The following PDLIM5 variants were observed in gnomAD, a reference collection of about 807,000 sequenced individuals.
PDLIM5 encodes PDZ and LIM domain 5, also known as PDZ and LIM domain protein 5.
Under a neutral mutation model 64.2 loss-of-function variants are expected in PDLIM5, and 34 were observed. The ratio of observed to expected loss-of-function variants is 0.53; its 90% CI spans 0.40 to 0.71. The LOEUF (loss-of-function observed/expected upper bound fraction) is 0.71. Among genes scored for constraint, PDLIM5 ranks in the 30% least tolerant of loss-of-function variants. The pLI, the probability that PDLIM5 is intolerant of heterozygous loss-of-function variation, is 0.00. For synonymous variants in PDLIM5, 253 were observed against 269.1 expected, an observed-to-expected ratio of 0.94 and a Z score of 0.59; for missense variants, 683 against 733.6, an observed-to-expected ratio of 0.93 and a Z score of 0.80.
At chr4:94,488,297 G>A (rs533462710) in intron 2 of PDLIM5, among the ~76,000 whole-genome samples, 5 of 152,144 alleles carry the variant, frequency 3.3e-5, no homozygotes. Context: ...AAGAGCTGCT[G>A]TTCCTTTAAT....
chr4:94,577,717 A>G (rs1156906095), intron 5 of PDLIM5, among the ~76,000 whole-genome samples: 1 of 151,866 alleles, frequency 6.6e-6, no homozygotes, highest in Non-Finnish European at 1.5e-5. Context: ...GAAGTTTACC[A>G]TGTTTATTAA....
intron 2 of PDLIM5, among the ~76,000 whole-genome samples, chr4:94,469,508 A>G (rs1019861831): frequency 6.6e-6 from 1 of 152,324 alleles, no homozygotes; most frequent in African/African-American, 2.4e-5. Flanking sequence ...AAAGAAGGCT[A>G]GTGTGGCAGG....
At chr4:94,464,559 T>C (rs1724179779) in intron 2 of PDLIM5, among the ~76,000 whole-genome samples, 1 of 152,188 alleles carries the variant, frequency 6.6e-6, no homozygotes, top group African/African-American at 2.4e-5. Flanking sequence ...AGGACAGATG[T>C]CCTTTAGAAA....
chr4:94,518,555 TTTTA>T (rs1729561385), intron 2 of PDLIM5, among the ~76,000 whole-genome samples: 2 of 152,228 alleles, frequency 1.3e-5, no homozygotes, highest in Non-Finnish European at 2.9e-5. Context: ...TAGTTATAAA[TTTTA>T]TTTGAGAACA....
intron 2 of PDLIM5, among the ~76,000 whole-genome samples, chr4:94,505,695 A>G (rs977974825): frequency 5.3e-5 from 8 of 152,170 alleles, no homozygotes; most frequent in Non-Finnish European, 1.0e-4. Context: ...CCCATTTATT[A>G]TAAAGGATGT....
At position 94,663,959 on chromosome 4, in the gene PDLIM5, A is replaced by C. The variant is rs542974071; in HGVS notation, c.1702-19A>C. ...ATATCCTCTTAAATAATATCTCTTA[A>C]ATGCTGCTTCTTTTTCAGGTGTGTT... On this transcript the variant is annotated intron_variant, in intron 12 of 12. Transcript: ENST00000317968. 9.4e-6 allele frequency: 15 copies of C among 1,592,346 alleles called. No individual in the cohort carries two copies. In the African/African-American group the frequency reaches 2.0e-4, roughly 21 times the overall value.
At chr4:94,474,156 C>G (rs911904726) in intron 2 of PDLIM5, among the ~76,000 whole-genome samples, 1 of 152,128 alleles carries the variant, frequency 6.6e-6, no homozygotes, top group African/African-American at 2.4e-5. Flanking sequence ...TTTGAAATTG[C>G]TTTTTAAATT....
chr4:94,611,108 A>C, intron 7 of PDLIM5: 1 of 1,534,212 alleles, frequency 6.5e-7, no homozygotes, highest in Non-Finnish European at 8.7e-7. Context: ...TCCTGGATGC[A>C]CTTTGCATCA....
chr4:94,506,020 C>G (rs150746680), intron 2 of PDLIM5, among the ~76,000 whole-genome samples: 1 of 152,168 alleles, frequency 6.6e-6, no homozygotes, highest in Non-Finnish European at 1.5e-5. Flanking sequence ...CAGCCTCCAT[C>G]CTGAAGCTAC....
At chr4:94,655,244 G>A (rs576648767) in intron 10 of PDLIM5, among the ~76,000 whole-genome samples, 32 of 152,020 alleles carry the variant, frequency 2.1e-4, no homozygotes, top group African/African-American at 7.0e-4. Context: ...ATCAGATACA[G>A]TACATAATAA....
intron 8 of PDLIM5, among the ~76,000 whole-genome samples, chr4:94,635,602 C>T (rs1003767720): frequency 7.2e-5 from 11 of 152,158 alleles, no homozygotes; most frequent in African/African-American, 2.7e-4. Flanking sequence ...CAATGTGCTA[C>T]CCATGGAAGA....
intron 3 of PDLIM5, among the ~76,000 whole-genome samples, chr4:94,541,212 C>CA (rs1343159010): frequency 4.6e-5 from 7 of 152,134 alleles, no homozygotes; most frequent in African/African-American, 1.7e-4. Flanking sequence ...CCCAATTTTC[C>CA]AATGTCTTGG....
chr4:94,478,911 T>TTTTTTTTTTTTTTTTTTTTG (rs1560642911), intron 2 of PDLIM5, among the ~76,000 whole-genome samples: 1 of 145,298 alleles, frequency 6.9e-6, no homozygotes, highest in African/African-American at 2.7e-5. Context: ...TTTTTTTTTT[T>TTTTTTTTTTTTTTTTTTTTG]TTTTTTAAGA....
chr4:94,625,643 C>T (rs571539235), intron 8 of PDLIM5, among the ~76,000 whole-genome samples: 78 of 152,076 alleles, frequency 5.1e-4, no homozygotes, highest in African/African-American at 1.5e-3. Flanking sequence ...TTAGTAGAGA[C>T]GGGGTTTCAC....
chr4:94,602,703 G>A lies in PDLIM5; in HGVS notation c.921-15301G>A, dbSNP rs149046765. 5.0e-4 allele frequency among the ~76,000 whole-genome samples: 76 copies of A among 152,184 alleles called. 1 individual carries two copies. In the East Asian group the frequency reaches 0.011, roughly 23 times the overall value. On this transcript the variant is annotated intron_variant, in intron 7 of 12. Coordinates refer to ENST00000317968, the MANE Select transcript of PDLIM5 (RefSeq NM_006457.5). Reference sequence around the variant, plus strand: ...ACTCCTGACCTCAGGTGATCCACCTGCCTTGGCCTCCCAAAGTGCTGGGAT... The same window carrying A: ...ACTCCTGACCTCAGGTGATCCACCTACCTTGGCCTCCCAAAGTGCTGGGAT...
intron 2 of PDLIM5, among the ~76,000 whole-genome samples, chr4:94,518,536 G>C (rs961189878): frequency 1.3e-5 from 2 of 152,050 alleles, no homozygotes; most frequent in East Asian, 3.8e-4. Context: ...TAAGCATTTT[G>C]GGTAATTTTA....
At chr4:94,472,496 A>G (rs1724970301) in intron 2 of PDLIM5, among the ~76,000 whole-genome samples, 1 of 152,218 alleles carries the variant, frequency 6.6e-6, no homozygotes. Flanking sequence ...GTGAAGGATG[A>G]ATTCACAAGA....
intron 2 of PDLIM5, among the ~76,000 whole-genome samples, chr4:94,479,281 G>T (rs890214009): frequency 6.8e-6 from 1 of 146,778 alleles, no homozygotes; most frequent in South Asian, 2.2e-4. Flanking sequence ...CCTATTATTG[G>T]TTAGACAAAA....
intron 5 of PDLIM5, among the ~76,000 whole-genome samples, chr4:94,578,385 C>A (rs1231326616): frequency 6.6e-6 from 1 of 152,126 alleles, no homozygotes; most frequent in African/African-American, 2.4e-5. Context: ...GTGCAAAATT[C>A]AGGAGAAAAG....
Sources: gnomAD v4.1 joint callset for allele counts (sites outside exome capture counted in the v4.1 genomes callset) on GRCh38, gnomAD v4.1.1 for gene constraint, MANE v1.5 for transcripts, NCBI Gene and HGNC (gene_info 2026-07-23, HGNC 2026-07-21) for gene names.